ALK: variants seen among roughly 807,000 people sequenced by gnomAD.
ALK encodes ALK receptor tyrosine kinase, also known as ALK tyrosine kinase receptor.
Under a neutral mutation model 163.1 loss-of-function variants are expected in ALK, and 74 were observed. The observed-to-expected ratio is 0.45, with a 90% CI of 0.38 to 0.55. The LOEUF is 0.55. ALK is among the 20% of genes least tolerant of loss of function. The pLI is 0.00. For synonymous variants in ALK, 960 were observed against 843.2 expected, an observed-to-expected ratio of 1.14 and a Z score of -2.40; for missense variants, 2,063 against 2,105.3, an observed-to-expected ratio of 0.98 and a Z score of 0.39.
chr2:29,634,987 C>G (rs1291185563), intron 3 of ALK, among the ~76,000 whole-genome samples: 2 of 152,148 alleles, frequency 1.3e-5, no homozygotes, highest in African/African-American at 2.4e-5. Context: ...TTTCTCTATA[C>G]TAGCAATGAA....
At chr2:29,837,090 C>T (rs1024372973) in intron 1 of ALK, among the ~76,000 whole-genome samples, 2 of 152,196 alleles carry the variant, frequency 1.3e-5, no homozygotes, top group African/African-American at 4.8e-5. Context: ...TAGAAGTTGT[C>T]CTCTGTTGTT....
chr2:29,637,257 G>T (rs1018061614), intron 3 of ALK, among the ~76,000 whole-genome samples: 1 of 151,986 alleles, frequency 6.6e-6, no homozygotes, highest in Non-Finnish European at 1.5e-5. Context: ...AGCAATAAAA[G>T]AAAAAAATTA....
chr2:29,507,873 G>A (rs1296292236), intron 4 of ALK, among the ~76,000 whole-genome samples: 1 of 152,176 alleles, frequency 6.6e-6, no homozygotes, highest in Non-Finnish European at 1.5e-5. Flanking sequence ...ACCACCTACT[G>A]ATCATAATCA....
chr2:29,848,166 G>T (rs531097431), intron 1 of ALK, among the ~76,000 whole-genome samples: 2 of 152,198 alleles, frequency 1.3e-5, no homozygotes, highest in East Asian at 3.9e-4. Context: ...AGGAGGAAGT[G>T]GGGAGGCTTT....
chr2:29,406,115 C>T (rs553069519), intron 4 of ALK, among the ~76,000 whole-genome samples: 141 of 152,288 alleles, frequency 9.3e-4, no homozygotes, highest in Non-Finnish European at 1.3e-3. Context: ...ATTGCAGAGC[C>T]GACAAGGCCC....
chr2:29,635,108 A>G (rs1196108528), intron 3 of ALK, among the ~76,000 whole-genome samples: 2 of 152,200 alleles, frequency 1.3e-5, no homozygotes, highest in African/African-American at 2.4e-5. Context: ...GAAAACTACT[A>G]AATGCTGATG....
intron 1 of ALK, among the ~76,000 whole-genome samples, chr2:29,795,854 T>G (rs1664294730): frequency 6.6e-6 from 1 of 152,200 alleles, no homozygotes; most frequent in Non-Finnish European, 1.5e-5. Flanking sequence ...TACTATGCAT[T>G]ATTTTTATAA....
At chr2:29,539,691 A>C (rs1400382614) in intron 3 of ALK, among the ~76,000 whole-genome samples, 3 of 152,198 alleles carry the variant, frequency 2.0e-5, no homozygotes, top group Non-Finnish European at 4.4e-5. Flanking sequence ...GAAAATTGCC[A>C]ACACAACATC....
rs534852056 is a variant in ALK, at chr2:29,220,777, G to C, written c.3574C>G (p.Arg1192Gly). 14 of 1,614,074 alleles carry C rather than the reference G, an allele frequency of 8.7e-6. No homozygotes were observed. In the East Asian group the frequency reaches 1.1e-4, roughly 13 times the overall value. The change falls in exon 23 of 29, where the codon CGG becomes GGG. Residue 1192 changes from arginine to glycine, a missense_variant. By Grantham distance (125) the Arg-to-Gly change is moderately radical. Transcript: ENST00000389048. Reference sequence around the variant, plus strand: ...GCCATGAGCTCCAGCAGGATGAACCGGGGCAGGGATTGCAGGCTCACCCCA... The same window carrying C: ...GCCATGAGCTCCAGCAGGATGAACCCGGGCAGGGATTGCAGGCTCACCCCA... ...CIGVSLQSLP[R>G]FILLELMAGG...
intron 1 of ALK, among the ~76,000 whole-genome samples, chr2:29,763,607 A>C (rs1680775145): frequency 6.6e-6 from 1 of 152,172 alleles, no homozygotes; most frequent in Non-Finnish European, 1.5e-5. Context: ...CCTCTTGAGG[A>C]GCTCATGCAC....
chr2:29,531,847 T>C, intron 4 of ALK, 68 bp downstream of exon 4: 1 of 1,522,704 alleles, frequency 6.6e-7, no homozygotes, highest in Non-Finnish European at 9.1e-7. Flanking sequence ...TCACAGACTC[T>C]GGAAATGTGT....
In ALK at chr2:29,903,531, T is replaced by C. The variant is rs532682187; in HGVS notation, c.667+16462A>G. On this transcript the variant is annotated intron_variant, in intron 1 of 28. Transcript: ENST00000389048. ...GAAGAGAAAATAGTTTTTATGTATG[T>C]ATGTAAGTAGGTAGATATTTATTTA... Among the ~76,000 whole-genome samples the C allele has an allele frequency of 8.4e-4, 128 of 152,200 alleles. 1 individual carries two copies. Among genetic ancestry groups the C allele is most frequent in the Admixed American group, 1.8e-3 (27 of 15,296 alleles).
At chr2:29,678,357 A>G (rs1273279965) in intron 3 of ALK, among the ~76,000 whole-genome samples, 1 of 151,396 alleles carries the variant, frequency 6.6e-6, no homozygotes, top group Non-Finnish European at 1.5e-5. Context: ...GTTTTCATTG[A>G]TTTTTCTAAT....
chr2:29,571,390 G>A (rs1674364636), intron 3 of ALK, among the ~76,000 whole-genome samples: 1 of 152,102 alleles, frequency 6.6e-6, no homozygotes, highest in South Asian at 2.1e-4. Flanking sequence ...CATGGGGGAA[G>A]TTTCCCCTGT....
intron 1 of ALK, among the ~76,000 whole-genome samples, chr2:29,827,181 C>G (rs1423920297): frequency 6.6e-6 from 1 of 152,180 alleles, no homozygotes; most frequent in African/African-American, 2.4e-5. Context: ...AGAGGCAGCT[C>G]TGGGAGCATG....
chr2:29,714,990 C>T (rs1480052713), intron 2 of ALK, among the ~76,000 whole-genome samples: 3 of 152,128 alleles, frequency 2.0e-5, no homozygotes, highest in African/African-American at 7.2e-5. Context: ...ACCGGGGACA[C>T]TATGGCAGTG....
intron 1 of ALK, among the ~76,000 whole-genome samples, chr2:29,793,067 G>A (rs368269452): frequency 1.6e-4 from 25 of 152,190 alleles, no homozygotes; most frequent in Non-Finnish European, 2.4e-4. Context: ...GAAGTCAATC[G>A]TCTCAAACCC....
intron 1 of ALK, among the ~76,000 whole-genome samples, chr2:29,906,797 T>A (rs1344443757): frequency 6.6e-6 from 1 of 152,190 alleles, no homozygotes; most frequent in African/African-American, 2.4e-5. Context: ...TGTTCAATGG[T>A]AGCTGTTATC....
intron 26 of ALK, among the ~76,000 whole-genome samples, chr2:29,201,249 C>G (rs186991969): frequency 5.3e-5 from 8 of 152,280 alleles, no homozygotes; most frequent in Admixed American, 1.3e-4. Context: ...TCTTTAGTTT[C>G]ATCTATCAGA....
Sources: gnomAD v4.1 joint callset for allele counts (sites outside exome capture counted in the v4.1 genomes callset) on GRCh38, gnomAD v4.1.1 for gene constraint, MANE v1.5 for transcripts, NCBI Gene and HGNC (gene_info 2026-07-23, HGNC 2026-07-21) for gene names.